The following LDLRAD4 variants were observed in gnomAD, a reference collection of about 807,000 sequenced individuals.
The protein encoded by LDLRAD4 is low-density lipoprotein receptor class A domain-containing protein 4.
A neutral mutation model predicts 17.0 loss-of-function variants in LDLRAD4; 5 were observed. That is an observed-to-expected ratio of 0.29 (90% CI 0.15 to 0.62). The LOEUF (loss-of-function observed/expected upper bound fraction) is 0.62. Ranked by LOEUF, LDLRAD4 falls within the 20% of genes least tolerant of loss-of-function variation. The pLI, the probability that LDLRAD4 is intolerant of heterozygous loss-of-function variation, is 0.84. For missense variants in LDLRAD4, 340 were observed against 424.7 expected (o/e 0.80, Z 1.75); for synonymous variants, 168 against 171.8 (o/e 0.98, Z 0.17).
chr18:13,332,068 G>T (rs1431678688), intron 1 of LDLRAD4, among the ~76,000 whole-genome samples: 8 of 152,122 alleles, frequency 5.3e-5, no homozygotes, highest in Non-Finnish European at 1.2e-4. Flanking sequence ...CTTTGCAGGG[G>T]GTGGGTAGCC....
rs73956146 is a variant in LDLRAD4, at chr18:13,413,773, G to C, written c.41-24471G>C. Among the ~76,000 whole-genome samples the C allele has an allele frequency of 7.7e-3, 1,173 of 152,256 alleles. 17 individuals carry two copies. The highest frequency in any genetic ancestry group is 0.026 in the African/African-American group (1,076 of 41,534). ...AGTTTTATATCTTCTTTCTAGGAGAGAGTATGGTTGGGCTGGGCGGGGTGG... is the reference window on the plus strand; with the variant it reads ...AGTTTTATATCTTCTTTCTAGGAGACAGTATGGTTGGGCTGGGCGGGGTGG... On this transcript the variant is annotated intron_variant, in intron 2 of 5. Coordinates refer to ENST00000359446, the Ensembl canonical transcript of LDLRAD4.
At chr18:13,602,946 G>A (rs188503001) in intron 3 of LDLRAD4, among the ~76,000 whole-genome samples, 47 of 152,168 alleles carry the variant, frequency 3.1e-4, no homozygotes, top group African/African-American at 1.1e-3. Flanking sequence ...GGAGGACATC[G>A]CTATATGTTT....
chr18:13,328,981 A>T (rs1234470103), intron 1 of LDLRAD4, among the ~76,000 whole-genome samples: 1 of 152,186 alleles, frequency 6.6e-6, no homozygotes, highest in African/African-American at 2.4e-5. Flanking sequence ...TACCTTGGAA[A>T]TCCTCACATA....
intron 2 of LDLRAD4, among the ~76,000 whole-genome samples, chr18:13,413,412 T>C (rs943495672): frequency 2.6e-5 from 4 of 152,258 alleles, no homozygotes; most frequent in Non-Finnish European, 5.9e-5. Flanking sequence ...CGGAAGTTTC[T>C]ATCACAGTAT....
chr18:13,358,759 A>G (rs1473278257), intron 1 of LDLRAD4, among the ~76,000 whole-genome samples: 1 of 152,218 alleles, frequency 6.6e-6, no homozygotes, highest in East Asian at 1.9e-4. Context: ...ATTGATACTT[A>G]GAAAGTTGGC....
At chr18:13,542,038 C>G (rs1295136967) in intron 3 of LDLRAD4, among the ~76,000 whole-genome samples, 2 of 152,016 alleles carry the variant, frequency 1.3e-5, no homozygotes, top group African/African-American at 4.8e-5. Flanking sequence ...ATCATGCCAC[C>G]GCACTCCAGC....
intron 3 of LDLRAD4, among the ~76,000 whole-genome samples, chr18:13,548,969 T>C (rs2094402482): frequency 6.6e-6 from 1 of 152,248 alleles, no homozygotes; most frequent in South Asian, 2.1e-4. Context: ...TATTAATTAT[T>C]TCATGAGTCC....
chr18:13,566,085 G>A (rs1342081298), intron 3 of LDLRAD4, among the ~76,000 whole-genome samples: 1 of 152,154 alleles, frequency 6.6e-6, no homozygotes, highest in Non-Finnish European at 1.5e-5. Flanking sequence ...CCTGCTCCTG[G>A]GGCTGTGGTG....
intron 1 of LDLRAD4, among the ~76,000 whole-genome samples, chr18:13,335,823 G>A (rs773958985): frequency 2.6e-5 from 4 of 152,180 alleles, no homozygotes; most frequent in Non-Finnish European, 4.4e-5. Flanking sequence ...GAAGAAATAC[G>A]TGGCTAGTTT....
chr18:13,493,626 T>G (rs2093402857), intron 3 of LDLRAD4, among the ~76,000 whole-genome samples: 1 of 152,244 alleles, frequency 6.6e-6, no homozygotes, highest in African/African-American at 2.4e-5. Flanking sequence ...CATCGTTTCA[T>G]TAAGGCATAG....
At chr18:13,348,566 G>T (rs1050463444) in intron 1 of LDLRAD4, among the ~76,000 whole-genome samples, 1 of 152,146 alleles carries the variant, frequency 6.6e-6, no homozygotes, top group Non-Finnish European at 1.5e-5. Flanking sequence ...ATCTCAAGCG[G>T]CGTGCTGGGA....
intron 3 of LDLRAD4, among the ~76,000 whole-genome samples, chr18:13,593,697 A>G (rs796244847): frequency 3.9e-5 from 6 of 152,188 alleles, no homozygotes; most frequent in African/African-American, 1.4e-4. Context: ...AACTTACACA[A>G]TCCTGCCTCA....
chr18:13,252,425 G>A (rs1360746685), intron 1 of LDLRAD4, among the ~76,000 whole-genome samples: 3 of 152,202 alleles, frequency 2.0e-5, no homozygotes, highest in African/African-American at 7.2e-5. Flanking sequence ...AACTGTGCCC[G>A]GCCTTCCACA....
intron 3 of LDLRAD4, chr18:13,486,382 C>G (rs555661104): frequency 3.5e-4 from 54 of 152,294 alleles, no homozygotes; most frequent in African/African-American, 1.3e-3. Context: ...AAACAAATAG[C>G]AAGTTACAAT....
chr18:13,442,891 G>A (rs2091128067), intron 3 of LDLRAD4, among the ~76,000 whole-genome samples: 2 of 152,292 alleles, frequency 1.3e-5, no homozygotes, highest in Middle Eastern at 3.4e-3. Context: ...TAAGGTCAGC[G>A]TCGACAAGAA....
At chr18:13,483,463 G>A (rs1251447031) in intron 3 of LDLRAD4, among the ~76,000 whole-genome samples, 1 of 152,146 alleles carries the variant, frequency 6.6e-6, no homozygotes, top group South Asian at 2.1e-4. Context: ...CAGGCATCAC[G>A]CAGCAGTGTG....
intron 3 of LDLRAD4, chr18:13,526,231 G>A (rs2094029977): frequency 6.6e-6 from 1 of 152,180 alleles, no homozygotes; most frequent in African/African-American, 2.4e-5. Context: ...AGCCTACTAG[G>A]CCCTCCTCTT....
At position 13,224,474 on chromosome 18, in the gene LDLRAD4, CTT is replaced by C. The variant is rs10676168; in HGVS notation, c.-467+5508_-467+5509del. Among the ~76,000 whole-genome samples, 10 of 87,886 alleles carry C rather than the reference CTT, an allele frequency of 1.1e-4. No individual in the cohort carries two copies. The East Asian group carries it at 1.8e-3, about 16-fold the overall frequency. The allele number at this position is 87,886 out of a possible 152,430, so 57.7% of individuals were successfully genotyped here. A position where few individuals can be genotyped will look rare whatever the true frequency, so the allele number is the denominator to read the frequency against. On this transcript the variant is annotated intron_variant, in intron 1 of 5. Coordinates refer to the LDLRAD4 transcript ENST00000399848. ...AGCACTATAGTTTCTTTCTTTCTTT[CTT>C]TTTTTTTTTTTTTTTTTTTTTGAGA...
intron 1 of LDLRAD4, among the ~76,000 whole-genome samples, chr18:13,374,300 A>G (rs1015456335): frequency 2.6e-5 from 4 of 152,222 alleles, no homozygotes; most frequent in African/African-American, 9.6e-5. Flanking sequence ...TGTGGAGGCC[A>G]GAGCTGGGTC....
Sources: allele counts gnomAD v4.1 joint callset (sites outside exome capture counted in the v4.1 genomes callset), GRCh38; gene constraint gnomAD v4.1.1; transcripts MANE v1.5; gene names NCBI Gene and HGNC (gene_info 2026-07-23, HGNC 2026-07-21).